Variants in WDR7 observed in about 807,000 individuals in gnomAD.
The protein encoded by WDR7 is WD repeat domain 7.
In WDR7, 46 loss-of-function variants were observed where a neutral mutation model predicts 169.4. That is an observed-to-expected ratio of 0.27 (90% CI 0.21 to 0.35). The LOEUF (loss-of-function observed/expected upper bound fraction) is 0.35. Among genes scored for constraint, WDR7 ranks in the 10% least tolerant of loss-of-function variants. The probability of loss-of-function intolerance (pLI) is 1.00; values close to 1 mark genes in which losing one functional copy is unlikely to be tolerated. For missense variants in WDR7, 1,534 were observed against 1,859.3 expected (o/e 0.83, Z 3.22); for synonymous variants, 612 against 666.8 (o/e 0.92, Z 1.27).
intron 25 of WDR7, among the ~76,000 whole-genome samples, chr18:56,960,142 A>G (rs1325054853): frequency 6.6e-6 from 1 of 152,240 alleles, no homozygotes; most frequent in Non-Finnish European, 1.5e-5. Flanking sequence ...CCAAAGAATG[A>G]AAAATGCAGA....
intron 19 of WDR7, among the ~76,000 whole-genome samples, chr18:56,793,662 A>G (rs573148049): frequency 6.6e-6 from 1 of 152,326 alleles, no homozygotes; most frequent in South Asian, 2.1e-4. Context: ...TTGGTTATAC[A>G]TGCCCCATAG....
intron 26 of WDR7, among the ~76,000 whole-genome samples, chr18:56,993,688 G>A (rs2047850740): frequency 7.2e-6 from 1 of 138,750 alleles, no homozygotes; most frequent in South Asian, 2.2e-4. Flanking sequence ...AGGAGCTTTT[G>A]TCTAGGGAAG....
chr18:56,774,672 A>T (rs1373718068), intron 16 of WDR7, among the ~76,000 whole-genome samples: 1 of 152,028 alleles, frequency 6.6e-6, no homozygotes, highest in African/African-American at 2.4e-5. Context: ...GATTTTTCTT[A>T]TGTAGATAGT....
At chr18:56,697,948 C>G (rs1045393870) in intron 12 of WDR7, among the ~76,000 whole-genome samples, 2 of 152,140 alleles carry the variant, frequency 1.3e-5, no homozygotes, top group Admixed American at 6.5e-5. Flanking sequence ...AATCCCAGCA[C>G]TTTGGGAGGC....
chr18:56,718,284 C>G, intron 13 of WDR7, 125 bp downstream of exon 13: 1 of 1,047,942 alleles, frequency 9.5e-7, no homozygotes, highest in Non-Finnish European at 1.3e-6. Context: ...ACTTTTATTT[C>G]TAATTGTTTA....
At chr18:56,777,332 GATT>G (rs1187801519) in intron 17 of WDR7, among the ~76,000 whole-genome samples, 1 of 152,182 alleles carries the variant, frequency 6.6e-6, no homozygotes, top group African/African-American at 2.4e-5. Flanking sequence ...TCTTCAGATT[GATT>G]ATTGGCACCA....
At chr18:56,841,015 A>C (rs2045477013) in intron 20 of WDR7, among the ~76,000 whole-genome samples, 1 of 151,866 alleles carries the variant, frequency 6.6e-6, no homozygotes, top group African/African-American at 2.4e-5. Context: ...ACATGGTAAA[A>C]TCCCATCTCT....
downstream of WDR7, chr18:57,033,197 G>C (rs1201440683): frequency 6.6e-6 from 1 of 152,148 alleles, no homozygotes; most frequent in South Asian, 2.1e-4. Context: ...GGCAGGTAAA[G>C]AGCAATGAGA....
chr18:56,913,065 G>T (rs771255660), intron 21 of WDR7, among the ~76,000 whole-genome samples: 21 of 151,746 alleles, frequency 1.4e-4, no homozygotes, highest in Non-Finnish European at 2.1e-4. Flanking sequence ...GTAGAGACAG[G>T]GTCTCACTTT....
In WDR7 at chr18:56,654,291, C is replaced by T. The variant is rs139604996; in HGVS notation, c.-20+2715C>T. On this transcript the variant is annotated intron_variant, in intron 1 of 27. Transcript: ENST00000254442. ...CAACTACAGGCACGCGCCACTACGC[C>T]CAGCTAATTTTTGTATTTTTAGAAG... Among the ~76,000 whole-genome samples, 783 of 152,106 alleles carry T rather than the reference C, an allele frequency of 5.1e-3. 10 individuals carry two copies. Among genetic ancestry groups the T allele is most frequent in the Middle Eastern group, 0.017 (5 of 294 alleles).
intron 21 of WDR7, among the ~76,000 whole-genome samples, chr18:56,891,588 G>C (rs2046264784): frequency 6.6e-6 from 1 of 152,040 alleles, no homozygotes; most frequent in Admixed American, 6.6e-5. Flanking sequence ...CTGTGAGGTA[G>C]ATAGTATTAT....
At chr18:56,795,923 A>T (rs1261389771) in intron 19 of WDR7, among the ~76,000 whole-genome samples, 1 of 152,192 alleles carries the variant, frequency 6.6e-6, no homozygotes, top group Non-Finnish European at 1.5e-5. Flanking sequence ...TAGTTGCACA[A>T]TTATATTAGC....
chr18:56,665,577 T>C (rs2025002717), intron 1 of WDR7, among the ~76,000 whole-genome samples: 1 of 152,222 alleles, frequency 6.6e-6, no homozygotes. Flanking sequence ...GTTTGTTTTA[T>C]ATCTCATACT....
chr18:56,883,507 G>GTT (rs946355450), intron 21 of WDR7, among the ~76,000 whole-genome samples: 1 of 136,228 alleles, frequency 7.3e-6, no homozygotes, highest in African/African-American at 2.7e-5. Flanking sequence ...TTGTTTTTTT[G>GTT]TTTTTTTTTT....
chr18:56,715,289 A>AG (rs2026167220), intron 12 of WDR7, among the ~76,000 whole-genome samples: 1 of 152,192 alleles, frequency 6.6e-6, no homozygotes, highest in Non-Finnish European at 1.5e-5. Flanking sequence ...TCAGATGTTG[A>AG]GATCTCCAGT....
chr18:56,880,806 G>A (rs1038424139), intron 21 of WDR7, among the ~76,000 whole-genome samples: 8 of 152,108 alleles, frequency 5.3e-5, no homozygotes, highest in Admixed American at 4.6e-4. Context: ...ACTCTCTTTG[G>A]TTCTGTGCTT....
intron 14 of WDR7, among the ~76,000 whole-genome samples, chr18:56,741,926 A>G (rs2144857650): frequency 6.6e-6 from 1 of 152,312 alleles, no homozygotes; most frequent in East Asian, 1.9e-4. Context: ...ACAACAGAAC[A>G]ACTCTTCCTG....
chr18:56,753,709 G>A (rs568651981), intron 14 of WDR7, among the ~76,000 whole-genome samples: 36 of 151,522 alleles, frequency 2.4e-4, no homozygotes, highest in Non-Finnish European at 4.6e-4. Flanking sequence ...ATAGGGTGTC[G>A]ATGGAAGAGA....
intron 19 of WDR7, among the ~76,000 whole-genome samples, chr18:56,813,858 C>G (rs1252190688): frequency 6.6e-6 from 1 of 152,072 alleles, no homozygotes; most frequent in Non-Finnish European, 1.5e-5. Flanking sequence ...TTGAGATGTA[C>G]TTGTTTGTTC....
Sources: gnomAD v4.1 joint callset for allele counts (sites outside exome capture counted in the v4.1 genomes callset) on GRCh38, gnomAD v4.1.1 for gene constraint, MANE v1.5 for transcripts, NCBI Gene and HGNC (gene_info 2026-07-23, HGNC 2026-07-21) for gene names.